Variants in ANXA8 observed in about 807,000 individuals in gnomAD.
ANXA8 encodes the protein annexin A8.
ANXA8 carries 9 observed loss-of-function variants against 26.8 expected under a neutral mutation model. That is an observed-to-expected ratio of 0.34 (90% CI 0.20 to 0.59). The LOEUF is 0.59. Ranked by LOEUF, ANXA8 falls within the 20% of genes least tolerant of loss-of-function variation. The pLI, the probability that ANXA8 is intolerant of heterozygous loss-of-function variation, is 0.84. For missense variants in ANXA8, 83 were observed against 238.5 expected, an observed-to-expected ratio of 0.35 and a Z score of 4.29; for synonymous variants, 39 against 94.8, an observed-to-expected ratio of 0.41 and a Z score of 3.42.
chr10:47,743,303 T>TATATACAC, the ANXA8 span, among the ~76,000 whole-genome samples: 8 of 53,934 alleles, frequency 1.5e-4, 1 homozygote, highest in South Asian at 8.1e-4. Flanking sequence ...TACACATATA[T>TATATACAC]ATATATATAC....
intron 3 of ANXA8, 147 bp from the exon 4 acceptor site, chr10:47,477,341 T>C: frequency 1.0e-6 from 1 of 990,052 alleles, no homozygotes; most frequent in Non-Finnish European, 1.6e-6. Context: ...GGCCAGCTCC[T>C]TAGCTTCTCT....
At chr10:47,693,239 T>C in the ANXA8 span, among the ~76,000 whole-genome samples, 1 of 151,462 alleles carries the variant, frequency 6.6e-6, no homozygotes, top group African/African-American at 2.4e-5. Context: ...ACAGGAGGAA[T>C]GAGAACCTTA....
At chr10:47,777,844 C>T in the ANXA8 span, among the ~76,000 whole-genome samples, 7 of 151,782 alleles carry the variant, frequency 4.6e-5, no homozygotes, top group Non-Finnish European at 7.4e-5. Flanking sequence ...GACTCGTGTG[C>T]CTGGGGCTCA....
the ANXA8 span, among the ~76,000 whole-genome samples, chr10:47,655,709 G>A: frequency 1.3e-5 from 2 of 151,970 alleles, no homozygotes; most frequent in Non-Finnish European, 2.9e-5. Flanking sequence ...GTGAACATCA[G>A]AGAGTGTCAT....
the ANXA8 span, among the ~76,000 whole-genome samples, chr10:47,506,490 C>A: frequency 7.2e-6 from 1 of 139,374 alleles, no homozygotes; most frequent in Admixed American, 7.3e-5. Context: ...ACCACCACGC[C>A]CAGCCATTTT....
chr10:47,948,795 A>C, the ANXA8 span, among the ~76,000 whole-genome samples: 1 of 151,342 alleles, frequency 6.6e-6, no homozygotes, highest in Non-Finnish European at 1.5e-5. Context: ...GCACAAAGAA[A>C]ACTATGCAAG....
chr10:47,701,200 T>TA, the ANXA8 span, among the ~76,000 whole-genome samples: 380 of 141,344 alleles, frequency 2.7e-3, 6 homozygotes, highest in African/African-American at 3.9e-3. Flanking sequence ...TTGGCAAAAT[T>TA]AAAAAAAAAA....
the ANXA8 span, among the ~76,000 whole-genome samples, chr10:47,492,177 A>G: frequency 1.3e-5 from 2 of 151,050 alleles, no homozygotes; most frequent in African/African-American, 4.9e-5. Context: ...AATGAGGGTG[A>G]CTGCCCTCCC....
the ANXA8 span, chr10:47,549,384 C>T: frequency 6.8e-6 from 9 of 1,326,452 alleles, no homozygotes; most frequent in Non-Finnish European, 9.6e-6. Context: ...GCGCTTTTTA[C>T]CTATAAGTGA....
the ANXA8 span, among the ~76,000 whole-genome samples, chr10:47,551,028 C>T: frequency 6.8e-6 from 1 of 146,890 alleles, no homozygotes; most frequent in African/African-American, 2.5e-5. Flanking sequence ...AACTTCTGAC[C>T]CCTATCCAAA....
the ANXA8 span, among the ~76,000 whole-genome samples, chr10:47,937,442 T>A: frequency 6.7e-6 from 1 of 149,812 alleles, no homozygotes; most frequent in African/African-American, 2.4e-5. Context: ...TTTTTTATTT[T>A]ACTTAAACAT....
chr10:47,552,904 A>G, the ANXA8 span, among the ~76,000 whole-genome samples: 2 of 151,862 alleles, frequency 1.3e-5, no homozygotes, highest in Non-Finnish European at 2.9e-5. Flanking sequence ...CTTCCGTGCC[A>G]TGCAATAAGG....
At chr10:47,915,077 T>C in the ANXA8 span, among the ~76,000 whole-genome samples, 1 of 152,070 alleles carries the variant, frequency 6.6e-6, no homozygotes, top group Non-Finnish European at 1.5e-5. Flanking sequence ...GTAGGACAGC[T>C]TCCGGGAGCT....
chr10:47,504,012 C>CA, the ANXA8 span, among the ~76,000 whole-genome samples: 11 of 124,670 alleles, frequency 8.8e-5, no homozygotes, highest in African/African-American at 1.2e-4. Context: ...CACACTAGCT[C>CA]ACTAACTAAA....
chr10:47,667,407 T>C, the ANXA8 span, among the ~76,000 whole-genome samples: 1 of 152,016 alleles, frequency 6.6e-6, no homozygotes, highest in Admixed American at 6.5e-5. Flanking sequence ...ATCTTCCCTT[T>C]GTTTCCACTG....
the ANXA8 span, among the ~76,000 whole-genome samples, chr10:47,588,397 C>T: frequency 9.7e-3 from 1,255 of 128,926 alleles, 39 homozygotes; most frequent in Non-Finnish European, 0.015. Context: ...TTCTGAGATT[C>T]CCCGGGGAGA....
At chr10:47,494,820 G>GA in the ANXA8 span, among the ~76,000 whole-genome samples, 1 of 151,716 alleles carries the variant, frequency 6.6e-6, no homozygotes, top group Non-Finnish European at 1.5e-5. Context: ...GGTACTTGAG[G>GA]AAAGGGGCTG....
chr10:47,928,959 G>T, the ANXA8 span, among the ~76,000 whole-genome samples: 1 of 123,270 alleles, frequency 8.1e-6, no homozygotes, highest in African/African-American at 3.3e-5. Flanking sequence ...TTTTTTGATA[G>T]AGACTGGGTC....
At chr10:47,655,593 G>A in the ANXA8 span, among the ~76,000 whole-genome samples, 1 of 151,650 alleles carries the variant, frequency 6.6e-6, no homozygotes, top group African/African-American at 2.4e-5. Context: ...AGACTGGATA[G>A]TGGAAATGAA....
Sources: allele counts gnomAD v4.1 joint callset (sites outside exome capture counted in the v4.1 genomes callset), GRCh38; gene constraint gnomAD v4.1.1; transcripts MANE v1.5; gene names NCBI Gene and HGNC (gene_info 2026-07-23, HGNC 2026-07-21).